The following AP2B1 variants were observed in gnomAD, a reference collection of about 807,000 sequenced individuals.
The protein encoded by AP2B1 is AP-2 complex subunit beta.
In AP2B1, 23 loss-of-function variants were observed where a neutral mutation model predicts 102.0. That is an observed-to-expected ratio of 0.23 (90% CI 0.16 to 0.32). AP2B1 has a LOEUF of 0.32. Among genes scored for constraint, AP2B1 ranks in the 10% least tolerant of loss-of-function variants. The pLI, the probability that AP2B1 is intolerant of heterozygous loss-of-function variation, is 1.00. For synonymous variants in AP2B1, 381 were observed against 421.2 expected, an observed-to-expected ratio of 0.90 and a Z score of 1.17; for missense variants, 541 against 1,157.4, an observed-to-expected ratio of 0.47 and a Z score of 7.73.
chr17:35,591,558 A>G (rs2073101840), intron 1 of AP2B1, among the ~76,000 whole-genome samples: 1 of 152,240 alleles, frequency 6.6e-6, no homozygotes, highest in African/African-American at 2.4e-5. Flanking sequence ...TTAAAATCTT[A>G]AACAAGTTTT....
intron 21 of AP2B1, among the ~76,000 whole-genome samples, chr17:35,720,257 G>A (rs1481643906): frequency 6.6e-6 from 1 of 151,914 alleles, no homozygotes; most frequent in Non-Finnish European, 1.5e-5. Context: ...CAAAGCCCCA[G>A]GATATGTTGC....
At chr17:35,612,479 A>G (rs1424513673) in intron 5 of AP2B1, among the ~76,000 whole-genome samples, 1 of 152,190 alleles carries the variant, frequency 6.6e-6, no homozygotes, top group South Asian at 2.1e-4. Flanking sequence ...TATACTTTTC[A>G]TCTCAACTGT....
chr17:35,675,300 A>G (rs561433389), intron 17 of AP2B1, among the ~76,000 whole-genome samples: 2 of 152,374 alleles, frequency 1.3e-5, no homozygotes, highest in South Asian at 4.1e-4. Flanking sequence ...TATAAAAAGT[A>G]GTAATTGGAC....
At chr17:35,689,012 A>T (rs970329274) in intron 18 of AP2B1, among the ~76,000 whole-genome samples, 1 of 152,184 alleles carries the variant, frequency 6.6e-6, no homozygotes, top group Non-Finnish European at 1.5e-5. Flanking sequence ...CATTTTTAAC[A>T]TTGCAGAAGT....
chr17:35,629,283 T>C (rs2074399569), intron 9 of AP2B1, among the ~76,000 whole-genome samples: 1 of 152,126 alleles, frequency 6.6e-6, no homozygotes, highest in Non-Finnish European at 1.5e-5. Context: ...TTTTCTTGCA[T>C]GTGTGTCTTT....
chr17:35,617,301 C>T (rs1194283414), intron 5 of AP2B1, among the ~76,000 whole-genome samples: 1 of 152,200 alleles, frequency 6.6e-6, no homozygotes, highest in South Asian at 2.1e-4. Context: ...AGTGATCCGC[C>T]TGCCTCAGCC....
At chr17:35,614,885 G>A (rs368177939) in intron 5 of AP2B1, among the ~76,000 whole-genome samples, 24 of 152,102 alleles carry the variant, frequency 1.6e-4, no homozygotes, top group Non-Finnish European at 2.5e-4. Flanking sequence ...TAGCCAGCAC[G>A]TAGACACAGC....
intron 5 of AP2B1, among the ~76,000 whole-genome samples, chr17:35,623,299 C>A (rs1313390942): frequency 6.6e-6 from 1 of 152,012 alleles, no homozygotes; most frequent in Non-Finnish European, 1.5e-5. Flanking sequence ...CATGGTGGCT[C>A]ACACCTGTAA....
At chr17:35,711,291 C>A (rs1028704283) in intron 20 of AP2B1, among the ~76,000 whole-genome samples, 2 of 152,062 alleles carry the variant, frequency 1.3e-5, no homozygotes, top group African/African-American at 4.8e-5. Flanking sequence ...CTCATTTACC[C>A]CTCATTTACT....
chr17:35,662,478 C>T (rs1034673968), intron 14 of AP2B1, among the ~76,000 whole-genome samples: 2 of 142,124 alleles, frequency 1.4e-5, no homozygotes, highest in Admixed American at 1.4e-4. Flanking sequence ...GTTATTTGGG[C>T]TTTTTTTGTT....
In AP2B1 at chr17:35,725,123, A is replaced by G. The variant is rs2085497935; in HGVS notation, c.*1424A>G. 6.6e-6 allele frequency: 1 copy of G among 152,230 alleles called. No individual in the cohort carries two copies. The allele number at this position is 152,230 out of a possible 1,614,324, so 9.4% of individuals were successfully genotyped here. Reference sequence around the variant, plus strand: ...CCCAGAGGTTCAGGCAGTTCCTGTCATCTCTGAAAAGACTGGGGGATATGA... The same window carrying G: ...CCCAGAGGTTCAGGCAGTTCCTGTCGTCTCTGAAAAGACTGGGGGATATGA... On this transcript the variant is annotated 3_prime_UTR_variant, in exon 22 of 22. Coordinates refer to ENST00000610402, the MANE Select transcript of AP2B1 (RefSeq NM_001030006.2).
At chr17:35,633,218 G>C (rs2074512574) in intron 9 of AP2B1, among the ~76,000 whole-genome samples, 1 of 151,968 alleles carries the variant, frequency 6.6e-6, no homozygotes, top group Non-Finnish European at 1.5e-5. Context: ...AAATTAGCTG[G>C]GCTTGGTGGC....
chr17:35,680,580 A>G lies in AP2B1; in HGVS notation c.2325-2115A>G, dbSNP rs1402729260. Among the ~76,000 whole-genome samples the G allele has an allele frequency of 2.0e-5, 3 of 151,950 alleles. No homozygotes were observed. In the East Asian group the frequency reaches 5.8e-4, roughly 29 times the overall value. On this transcript the variant is annotated intron_variant, in intron 17 of 21. Coordinates refer to ENST00000610402, the MANE Select transcript of AP2B1 (RefSeq NM_001030006.2). ...GAGACAGGGTTTCTCTATGTTGCCC[A>G]AGCTGGTCTTGAACTGCTGGGCTCA...
intron 5 of AP2B1, among the ~76,000 whole-genome samples, chr17:35,617,287 C>T (rs912144009): frequency 6.6e-6 from 1 of 152,096 alleles, no homozygotes; most frequent in Non-Finnish European, 1.5e-5. Flanking sequence ...AATTCCTGAC[C>T]TCAAGTGATC....
chr17:35,716,492 G>A (rs2143011199), intron 20 of AP2B1, among the ~76,000 whole-genome samples: 1 of 152,230 alleles, frequency 6.6e-6, no homozygotes, highest in Middle Eastern at 3.4e-3. Flanking sequence ...TCTAGCAGCA[G>A]TCACCTTTGC....
chr17:35,650,625 G>C lies in AP2B1; in HGVS notation c.1632G>C (p.Glu544Asp). The change falls in exon 13 of 22, where the codon GAG (glutamate) becomes GAC (aspartate). Residue 544 changes from glutamate (E) to aspartate (D), a missense_variant. Physicochemically the swap from Glu to Asp is conservative, Grantham distance 45. This residue lies in a region of AP2B1 where 106 missense variants were observed against 296.4 expected (regional missense o/e 0.36). Transcript: ENST00000610402. The part of the protein sequence containing the change: ...PVTAKEVVLS[E>D]KPLISEETDL... ...CAGCTAAAGAAGTAGTCTTGTCTGA[G>C]AAGCCACTGATCTCTGAGGAGACGG... The C allele has an allele frequency of 6.2e-7, 1 of 1,614,160 alleles. No individual in the cohort carries two copies. The highest frequency in any genetic ancestry group is 8.5e-7 in the Non-Finnish European group (1 of 1,180,026).
rs117693450 is a variant in AP2B1 at position 35,603,946 on chromosome 17, G to A, written c.144-1759G>A. Among the ~76,000 whole-genome samples, 942 of 152,138 alleles carry A rather than the reference G, an allele frequency of 6.2e-3. 3 individuals are homozygous for A. The highest frequency in any genetic ancestry group is 0.031 in the Middle Eastern group (9 of 294). On this transcript the variant is annotated intron_variant, in intron 3 of 21. Transcript: ENST00000610402. ...CAGTCTGATCTGGAAATTGAGCCTC[G>A]TTACATGCCACCAGTGTTTCCATCA...
At chr17:35,592,470 A>T (rs2073131039) in intron 1 of AP2B1, among the ~76,000 whole-genome samples, 1 of 152,124 alleles carries the variant, frequency 6.6e-6, no homozygotes, top group Non-Finnish European at 1.5e-5. Flanking sequence ...CACACACCTC[A>T]GCCTCCCAAG....
intron 12 of AP2B1, among the ~76,000 whole-genome samples, chr17:35,642,312 C>A (rs201515164): frequency 4.6e-5 from 1 of 21,554 alleles, no homozygotes; most frequent in Non-Finnish European, 1.2e-4. Context: ...AATGAAAGTA[C>A]CATGTGGAGA....
Sources: allele counts gnomAD v4.1 joint callset (sites outside exome capture counted in the v4.1 genomes callset), GRCh38; gene constraint gnomAD v4.1.1; regional missense constraint gnomAD v4.1.1; transcripts MANE v1.5; gene names NCBI Gene and HGNC (gene_info 2026-07-23, HGNC 2026-07-21).